Variants in NAALADL2 observed in about 807,000 individuals in gnomAD.
The protein encoded by NAALADL2 is N-acetylated alpha-linked acidic dipeptidase like 2, also known as inactive N-acetylated-alpha-linked acidic dipeptidase-like protein 2.
Under a neutral mutation model 87.2 loss-of-function variants are expected in NAALADL2, and 76 were observed. That is an observed-to-expected ratio of 0.87 (90% CI 0.72 to 1.05). The LOEUF (loss-of-function observed/expected upper bound fraction) is 1.05. Among genes scored for constraint, NAALADL2 ranks in the 50% least tolerant of loss-of-function variants. The probability of loss-of-function intolerance (pLI) is 0.00; values close to 1 mark genes in which losing one functional copy is unlikely to be tolerated. For missense variants in NAALADL2, 1,089 were observed against 945.8 expected (o/e 1.15, Z -1.99); for synonymous variants, 354 against 331.0 (o/e 1.07, Z -0.75).
At chr3:175,659,235 T>C (rs1181398950) in intron 11 of NAALADL2, among the ~76,000 whole-genome samples, 2 of 152,220 alleles carry the variant, frequency 1.3e-5, no homozygotes, top group Admixed American at 1.3e-4. Context: ...GCCTTTAATA[T>C]TGTTACGGCT....
intron 4 of NAALADL2, among the ~76,000 whole-genome samples, chr3:175,280,329 AGGCAG>A (rs1754127167): frequency 6.6e-6 from 1 of 152,114 alleles, no homozygotes; most frequent in Non-Finnish European, 1.5e-5. Flanking sequence ...ACCAAGGAGA[AGGCAG>A]TTTACTGCCC....
intron 11 of NAALADL2, among the ~76,000 whole-genome samples, chr3:175,732,618 C>G (rs1487731423): frequency 2.0e-5 from 3 of 152,054 alleles, no homozygotes; most frequent in Non-Finnish European, 4.4e-5. Flanking sequence ...CGAGAACATC[C>G]TCATCGTGTG....
intron 2 of NAALADL2, among the ~76,000 whole-genome samples, chr3:174,648,754 T>C (rs1683628314): frequency 6.6e-6 from 1 of 152,226 alleles, no homozygotes; most frequent in Non-Finnish European, 1.5e-5. Flanking sequence ...TATTGAAAGA[T>C]GTACTTGCTC....
At chr3:175,432,331 C>T (rs148661912) in intron 5 of NAALADL2, among the ~76,000 whole-genome samples, 132 of 152,054 alleles carry the variant, frequency 8.7e-4, no homozygotes, top group African/African-American at 2.9e-3. Context: ...CATTGTGAAA[C>T]AGAATTTTTC....
chr3:175,659,167 A>T (rs1244084477), intron 11 of NAALADL2, among the ~76,000 whole-genome samples: 1 of 152,214 alleles, frequency 6.6e-6, no homozygotes, highest in African/African-American at 2.4e-5. Context: ...TATGCCTAAC[A>T]TATAGCAAAA....
chr3:175,233,981 A>G lies in NAALADL2; in HGVS notation c.596A>G (p.Lys199Arg), dbSNP rs1046541580. 1.2e-6 allele frequency: 2 copies of G among 1,605,708 alleles called. No homozygotes were observed. Among genetic ancestry groups the G allele is most frequent in the South Asian group, 2.2e-5 (2 of 90,442 alleles). ...KNEDDMEISK[K>R]IKTQWTSLGL... is the part of the protein sequence containing the mutation. ...GAAGATGACATGGAAATTTCAAAGAAGATTAAGACTCAGTGGACCTCTTTG... is the reference window on the plus strand; with the variant it reads ...GAAGATGACATGGAAATTTCAAAGAGGATTAAGACTCAGTGGACCTCTTTG... The change falls in exon 3 of 14, where the codon AAG (lysine) becomes AGG (arginine). Residue 199 changes from lysine to arginine, a missense_variant. By Grantham distance (26) the Lys-to-Arg change is conservative. Transcript: ENST00000454872.
chr3:174,475,746 G>A (rs1437451161), intron 1 of NAALADL2, among the ~76,000 whole-genome samples: 6 of 151,892 alleles, frequency 4.0e-5, no homozygotes, highest in Non-Finnish European at 5.9e-5. Flanking sequence ...TGTCCTCTTC[G>A]CTTCTTTTGG....
intron 9 of NAALADL2, among the ~76,000 whole-genome samples, chr3:175,538,245 A>T (rs1464141259): frequency 6.6e-6 from 1 of 152,122 alleles, no homozygotes; most frequent in Non-Finnish European, 1.5e-5. Flanking sequence ...TAAAATTCTG[A>T]CATTAGAATA....
chr3:175,344,494 C>T (rs904097783), intron 5 of NAALADL2, among the ~76,000 whole-genome samples: 1 of 151,704 alleles, frequency 6.6e-6, no homozygotes, highest in African/African-American at 2.4e-5. Context: ...TTCTGCCAAC[C>T]TCTTTCCCTT....
At chr3:175,459,123 A>G (rs1722744911) in intron 6 of NAALADL2, among the ~76,000 whole-genome samples, 1 of 152,132 alleles carries the variant, frequency 6.6e-6, no homozygotes, top group Admixed American at 6.6e-5. Context: ...AAAGAAAATT[A>G]GCACAACAAA....
In NAALADL2 at chr3:175,367,832, C is replaced by T. The variant is rs375683309; in HGVS notation, c.1090+43507C>T. On this transcript the variant is annotated intron_variant, in intron 5 of 13. Coordinates refer to ENST00000454872, the MANE Select transcript of NAALADL2 (RefSeq NM_207015.3). ...ACAGTTTGACTTCCTCTTTTCCTAA[C>T]TGAATACCCTTTATTTCCTTCTCCT... Among the ~76,000 whole-genome samples, 25 of 152,184 alleles carry T rather than the reference C, an allele frequency of 1.6e-4. No individual in the cohort carries two copies. The East Asian group carries it at 2.5e-3, about 15-fold the overall frequency.
At chr3:175,066,219 C>A (rs1350332472) in intron 1 of NAALADL2, among the ~76,000 whole-genome samples, 9 of 152,072 alleles carry the variant, frequency 5.9e-5, no homozygotes, top group Admixed American at 5.9e-4. Context: ...GTTATAGTAA[C>A]CACAAACAGA....
chr3:175,446,010 G>A (rs1264385305), intron 5 of NAALADL2, among the ~76,000 whole-genome samples: 1 of 152,152 alleles, frequency 6.6e-6, no homozygotes. Flanking sequence ...AAATTAAGTT[G>A]ATTTGAAGTT....
At chr3:174,836,938 C>T (rs1265917867) in intron 3 of NAALADL2, among the ~76,000 whole-genome samples, 2 of 151,674 alleles carry the variant, frequency 1.3e-5, no homozygotes, top group East Asian at 3.9e-4. Flanking sequence ...ATATGTATTA[C>T]ATAAGATAGA....
chr3:175,464,036 A>C (rs1004828370), intron 7 of NAALADL2, among the ~76,000 whole-genome samples: 1 of 152,102 alleles, frequency 6.6e-6, no homozygotes, highest in Non-Finnish European at 1.5e-5. Flanking sequence ...GGGTTTCACC[A>C]TGTTGGCCAG....
intron 10 of NAALADL2, among the ~76,000 whole-genome samples, chr3:175,610,276 T>C (rs1430874905): frequency 6.6e-6 from 1 of 152,176 alleles, no homozygotes; most frequent in Non-Finnish European, 1.5e-5. Flanking sequence ...TGATAGCTAA[T>C]GGCATTTATC....
chr3:174,522,854 A>G (rs1720402064), intron 1 of NAALADL2, among the ~76,000 whole-genome samples: 1 of 146,826 alleles, frequency 6.8e-6, no homozygotes. Flanking sequence ...GAATGGCGTG[A>G]ACCCGGGAGG....
chr3:175,540,694 A>G lies in NAALADL2; in HGVS notation c.1654-35347A>G, dbSNP rs7646318. 1.2e-3 allele frequency among the ~76,000 whole-genome samples: 178 copies of G among 152,132 alleles called. 1 individual carries two copies. Among genetic ancestry groups the G allele is most frequent in the African/African-American group, 4.2e-3 (173 of 41,476 alleles). On this transcript the variant is annotated intron_variant, in intron 9 of 13. Coordinates refer to ENST00000454872, the MANE Select transcript of NAALADL2 (RefSeq NM_207015.3). ...CTGGGCCGGTGAGTTGCAGTTTGAGAGTAGGGTTGACAGGCTTTGTTGATA... is the reference window on the plus strand; with the variant it reads ...CTGGGCCGGTGAGTTGCAGTTTGAGGGTAGGGTTGACAGGCTTTGTTGATA...
At chr3:175,669,079 A>G (rs2149837409) in intron 11 of NAALADL2, among the ~76,000 whole-genome samples, 1 of 152,236 alleles carries the variant, frequency 6.6e-6, no homozygotes, top group African/African-American at 2.4e-5. Context: ...TGGGTCATTG[A>G]TAGGCATTAG....
Sources: allele counts gnomAD v4.1 joint callset (sites outside exome capture counted in the v4.1 genomes callset), GRCh38; gene constraint gnomAD v4.1.1; transcripts MANE v1.5; gene names NCBI Gene and HGNC (gene_info 2026-07-23, HGNC 2026-07-21).